Variants in EFHD2 observed in about 807,000 individuals in gnomAD.
EFHD2 encodes EF-hand domain-containing protein D2.
A neutral mutation model predicts 20.3 loss-of-function variants in EFHD2; 12 were observed. That is an observed-to-expected ratio of 0.59 (90% CI 0.38 to 0.96). The LOEUF (loss-of-function observed/expected upper bound fraction) is 0.96. EFHD2 is among the 40% of genes least tolerant of loss of function. The pLI, the probability that EFHD2 is intolerant of heterozygous loss-of-function variation, is 0.00. For missense variants in EFHD2, 250 were observed against 334.3 expected (o/e 0.75, Z 1.97); for synonymous variants, 131 against 143.9 (o/e 0.91, Z 0.64).
intron 2 of EFHD2, 63 bp from the exon 3 acceptor site, chr1:15,427,087 A>T: frequency 6.3e-7 from 1 of 1,577,232 alleles, no homozygotes; most frequent in South Asian, 1.2e-5. Flanking sequence ...GGGTGCGGCC[A>T]GGGACTCCGG....
intron 1 of EFHD2, among the ~76,000 whole-genome samples, chr1:15,424,861 A>G (rs1707846667): frequency 6.6e-6 from 1 of 152,126 alleles, no homozygotes; most frequent in South Asian, 2.1e-4. Context: ...CATTTATCAC[A>G]TGGAAAGAGG....
chr1:15,410,238 C>G lies in EFHD2; in HGVS notation c.267C>G (p.Phe89Leu), dbSNP rs12131549. ...VFNPYTEFKE[F>L]SRKQIKDMEK... ...ACCCCTACACCGAGTTCAAGGAGTTCTCCAGGAAGCAGATCAAGGACATGG... is the reference window on the plus strand; with the variant it reads ...ACCCCTACACCGAGTTCAAGGAGTTGTCCAGGAAGCAGATCAAGGACATGG... The change falls in exon 1 of 4, where the codon TTC becomes TTG. Residue 89 changes from phenylalanine (F) to leucine (L), a missense_variant. This residue lies in a region of EFHD2 where 143 missense variants were observed against 190.6 expected (regional missense o/e 0.75). Transcript: ENST00000375980. 6.2e-7 allele frequency: 1 copy of G among 1,606,182 alleles called. No individual in the cohort carries two copies.
rs1707940210 is a variant in EFHD2, at chr1:15,429,943, G to A, written c.*1219G>A. 1 of 152,724 alleles carries A rather than the reference G, an allele frequency of 6.5e-6. No individual in the cohort carries two copies. Among genetic ancestry groups the A allele is most frequent in the Non-Finnish European group, 1.5e-5 (1 of 68,068 alleles). The allele number at this position is 152,724 out of a possible 1,614,324, so 9.5% of individuals were successfully genotyped here. A position where few individuals can be genotyped will look rare whatever the true frequency, so the allele number is the denominator to read the frequency against. On this transcript the variant is annotated 3_prime_UTR_variant, in exon 4 of 4. Transcript: ENST00000375980. ...TGTGACCATCACTCAGTCCAAACAA[G>A]TGAGTGGCCCTCGAGGCCACAGTTA...
At position 15,427,974 on chromosome 1, in the gene EFHD2, C is replaced by T. The variant is rs74054713; in HGVS notation, c.592-619C>T. 945 of 470,992 alleles carry T rather than the reference C, an allele frequency of 2.0e-3. 6 individuals carry two copies. The highest frequency in any genetic ancestry group is 0.017 in the African/African-American group (851 of 50,184). 29.2% of individuals were successfully genotyped at this position (470,992 alleles called of 1,614,324 possible). On this transcript the variant is annotated intron_variant, in intron 3 of 3. Coordinates refer to ENST00000375980, the MANE Select transcript of EFHD2 (RefSeq NM_024329.6). ...TGGCAGCAGCTTGAGCGACTCCCTTCGAGCGCCCTTGCTTTGCAGCAGCCA... is the reference window on the plus strand; with the variant it reads ...TGGCAGCAGCTTGAGCGACTCCCTTTGAGCGCCCTTGCTTTGCAGCAGCCA...
chr1:15,420,469 G>A (rs1313473284), intron 1 of EFHD2, among the ~76,000 whole-genome samples: 1 of 152,056 alleles, frequency 6.6e-6, no homozygotes, highest in Non-Finnish European at 1.5e-5. Context: ...AGCCTCCCTA[G>A]TAGCTGGGAC....
At chr1:15,422,551 G>A (rs1427247717) in intron 1 of EFHD2, among the ~76,000 whole-genome samples, 1 of 151,260 alleles carries the variant, frequency 6.6e-6, no homozygotes, top group Non-Finnish European at 1.5e-5. Flanking sequence ...GGGGGCACAT[G>A]CACCCCAGCT....
At position 15,429,094 on chromosome 1, in the gene EFHD2, C is replaced by G. The variant is rs532250197; in HGVS notation, c.*370C>G. The G allele has an allele frequency of 5.4e-4, 128 of 235,998 alleles. 1 individual carries two copies. Among genetic ancestry groups the G allele is most frequent in the South Asian group, 4.4e-3 (87 of 19,992 alleles). The allele number at this position is 235,998 out of a possible 1,614,324, so 14.6% of individuals were successfully genotyped here. On this transcript the variant is annotated 3_prime_UTR_variant, in exon 4 of 4. Transcript: ENST00000375980. Reference sequence around the variant, plus strand: ...CCGCCTGCCCTCCACACATCCCTGTCCCCCCAACCCGGGAACCCCTGCCCT... The same window carrying G: ...CCGCCTGCCCTCCACACATCCCTGTGCCCCCAACCCGGGAACCCCTGCCCT...
chr1:15,428,843 A>T lies in EFHD2; in HGVS notation c.*119A>T. 4.9e-6 allele frequency: 7 copies of T among 1,423,712 alleles called. No homozygotes were observed. The South Asian group carries it at 9.3e-5, about 19-fold the overall frequency. The allele number at this position is 1,423,712 out of a possible 1,614,324, so 88.2% of individuals were successfully genotyped here. A position where few individuals can be genotyped will look rare whatever the true frequency, so the allele number is the denominator to read the frequency against. ...CGGGACCACTACTAAAAACCTAAAA[A>T]TATCTGTGAATGGAGCAAGTTCAGG... On this transcript the variant is annotated 3_prime_UTR_variant, in exon 4 of 4. Transcript: ENST00000375980.
chr1:15,429,816 C>G lies in EFHD2; in HGVS notation c.*1092C>G, dbSNP rs575147612. ...CCCTGGTGCCCTGCACCAGACAGGC[C>G]GTGGTCAGGCCCAGGCCACCGGCCG... is the stretch of plus-strand genomic sequence containing the variant. On this transcript the variant is annotated 3_prime_UTR_variant, in exon 4 of 4. Coordinates refer to ENST00000375980, the MANE Select transcript of EFHD2 (RefSeq NM_024329.6). The G allele has an allele frequency of 6.5e-6, 1 of 152,736 alleles. No homozygotes were observed. Among genetic ancestry groups the G allele is most frequent in the Non-Finnish European group, 1.5e-5 (1 of 68,078 alleles). 9.5% of individuals were successfully genotyped at this position (152,736 alleles called of 1,614,324 possible). A position where few individuals can be genotyped will look rare whatever the true frequency, so the allele number is the denominator to read the frequency against.
In EFHD2 at chr1:15,413,228, C is replaced by G. The variant is rs938294247; in HGVS notation, c.308+2949C>G. 2.0e-5 allele frequency among the ~76,000 whole-genome samples: 3 copies of G among 152,140 alleles called. No individual in the cohort carries two copies. Among genetic ancestry groups the G allele is most frequent in the Non-Finnish European group, 4.4e-5 (3 of 68,018 alleles). On this transcript the variant is annotated intron_variant, in intron 1 of 3. Coordinates refer to ENST00000375980, the MANE Select transcript of EFHD2 (RefSeq NM_024329.6). The surrounding 1 kb of genome is among the most constrained non-coding windows in gnomAD (Gnocchi z 4.4). The stretch of plus-strand genomic sequence containing the variant: ...AGGGCAGAGAGGAGGGGAGCCTGCC[C>G]TCCTGGGAAGCCAGTCACTAGAGCA...
chr1:15,422,658 G>A (rs556267863), intron 1 of EFHD2, among the ~76,000 whole-genome samples: 5 of 151,918 alleles, frequency 3.3e-5, no homozygotes, highest in East Asian at 2.0e-4. Flanking sequence ...TCAGGAGATC[G>A]AAACCATCCT....
rs562162142 is a variant in EFHD2, at chr1:15,413,066, C to T, written c.308+2787C>T. ...CTGTGCCAACCGAGCCCAACCCCGC[C>T]GCCAACAGACGGGCTCTCGTGGAAG... is the stretch of plus-strand genomic sequence containing the variant. On this transcript the variant is annotated intron_variant, in intron 1 of 3. Coordinates refer to ENST00000375980, the MANE Select transcript of EFHD2 (RefSeq NM_024329.6). This position sits in a 1 kb window ranked among gnomAD's most constrained non-coding sequence, Gnocchi z 4.4. 4.6e-5 allele frequency among the ~76,000 whole-genome samples: 7 copies of T among 152,322 alleles called. No homozygotes were observed. The South Asian group carries it at 8.3e-4, about 18-fold the overall frequency.
In EFHD2 at chr1:15,414,358, C is replaced by T. The variant is rs145626053; in HGVS notation, c.308+4079C>T. ...ACCTCTCCCAGGAGCCCTTCCTGGA[C>T]GCAGTCAGCAGGGCCTCTGGAGTCT... On this transcript the variant is annotated intron_variant, in intron 1 of 3. Coordinates refer to ENST00000375980, the MANE Select transcript of EFHD2 (RefSeq NM_024329.6). Among the ~76,000 whole-genome samples the T allele has an allele frequency of 1.4e-4, 21 of 152,360 alleles. No homozygotes were observed. The East Asian group carries it at 3.7e-3, about 27-fold the overall frequency.
intron 3 of EFHD2, among the ~76,000 whole-genome samples, chr1:15,428,370 A>G (rs60482024): frequency 0.063 from 9,597 of 152,190 alleles, 768 homozygotes; most frequent in African/African-American, 0.18. Flanking sequence ...GGTGGAGGGC[A>G]CCCATAATCC....
chr1:15,413,197 G>C lies in EFHD2; in HGVS notation c.308+2918G>C, dbSNP rs1220470889. Among the ~76,000 whole-genome samples the C allele has an allele frequency of 6.6e-6, 1 of 152,150 alleles. No individual in the cohort carries two copies. Among genetic ancestry groups the C allele is most frequent in the African/African-American group, 2.4e-5 (1 of 41,428 alleles). On this transcript the variant is annotated intron_variant, in intron 1 of 3. Coordinates refer to ENST00000375980, the MANE Select transcript of EFHD2 (RefSeq NM_024329.6). This position sits in a 1 kb window ranked among gnomAD's most constrained non-coding sequence, Gnocchi z 4.4. ...GGCATCAGAGCCAGGGCTCTGGGGAGAGCAGAGGGCAGAGAGGAGGGGAGC... is the reference window on the plus strand; with the variant it reads ...GGCATCAGAGCCAGGGCTCTGGGGACAGCAGAGGGCAGAGAGGAGGGGAGC...
chr1:15,417,708 G>A (rs1195844773), intron 1 of EFHD2, among the ~76,000 whole-genome samples: 1 of 152,204 alleles, frequency 6.6e-6, no homozygotes, highest in African/African-American at 2.4e-5. Flanking sequence ...CTGGGGGTGG[G>A]GACATGCAGG....
intron 1 of EFHD2, among the ~76,000 whole-genome samples, chr1:15,421,171 C>T (rs1707783280): frequency 6.6e-6 from 1 of 152,164 alleles, no homozygotes; most frequent in South Asian, 2.1e-4. Context: ...GACCAGGTCA[C>T]TCTGCCAGCA....
At chr1:15,427,333 C>T in intron 3 of EFHD2, 49 bp downstream of exon 3, 1 of 1,571,258 alleles carries the variant, frequency 6.4e-7, no homozygotes, top group South Asian at 1.2e-5. Context: ...ACAAGGGGAC[C>T]CTGGGTTGGT....
At chr1:15,420,354 G>T (rs1191074808) in intron 1 of EFHD2, among the ~76,000 whole-genome samples, 1 of 151,882 alleles carries the variant, frequency 6.6e-6, no homozygotes, top group South Asian at 2.1e-4. Flanking sequence ...GTGTTTGTTT[G>T]TCTTTTAAAC....
Sources: gnomAD v4.1 joint callset for allele counts (sites outside exome capture counted in the v4.1 genomes callset) on GRCh38, gnomAD v4.1.1 for gene constraint, gnomAD v4.1.1 regional missense constraint, Gnocchi (gnomAD v3.1) non-coding constraint, MANE v1.5 for transcripts, NCBI Gene and HGNC (gene_info 2026-07-23, HGNC 2026-07-21) for gene names.